The following USP32 variants were observed in gnomAD, a reference collection of about 807,000 sequenced individuals.
USP32 encodes ubiquitin specific peptidase 32, also known as ubiquitin carboxyl-terminal hydrolase 32.
In USP32, 59 loss-of-function variants were observed where a neutral mutation model predicts 204.8. The observed-to-expected ratio is 0.29, with a 90% CI of 0.23 to 0.36. The LOEUF is 0.36. Ranked by LOEUF, USP32 falls within the 10% of genes least tolerant of loss-of-function variation. The probability of loss-of-function intolerance (pLI) is 1.00; values close to 1 mark genes in which losing one functional copy is unlikely to be tolerated. For missense variants in USP32, 1,160 were observed against 1,946.4 expected, an observed-to-expected ratio of 0.60 and a Z score of 7.60; for synonymous variants, 517 against 678.4, an observed-to-expected ratio of 0.76 and a Z score of 3.70.
Position 60,258,092 on chromosome 17 carries a change from AT to A in USP32, c.991-2835del, listed in dbSNP as rs886756270. The A allele has an allele frequency of 2.5e-5, 4 of 158,200 alleles. No individual in the cohort carries two copies. The Admixed American group carries it at 2.6e-4, about 10-fold the overall frequency. The allele number at this position is 158,200 out of a possible 1,614,324, so 9.8% of individuals were successfully genotyped here. On this transcript the variant is annotated intron_variant, in intron 9 of 33. Coordinates refer to ENST00000300896, the MANE Select transcript of USP32 (RefSeq NM_032582.4). Reference sequence around the variant, plus strand: ...AGATGGAGATCAAGACAGAGCAGGTATTTGAGATGAAGGTGAGTAAGTAGTT... The same window carrying A: ...AGATGGAGATCAAGACAGAGCAGGTATTGAGATGAAGGTGAGTAAGTAGTT...
In USP32 at chr17:60,265,430, A is replaced by C; in HGVS notation, c.972T>G (p.Asn324Lys). The C allele has an allele frequency of 1.2e-6, 2 of 1,606,744 alleles. No individual in the cohort carries two copies. The highest frequency in any genetic ancestry group is 1.1e-5 in the South Asian group (1 of 90,706). Residue 324 changes from asparagine to lysine, a missense_variant, in exon 9 of 34, where the codon AAT becomes AAG. This residue lies in a region of USP32 where 536 missense variants were observed against 680.9 expected (regional missense o/e 0.79). Transcript: ENST00000300896. ...GACTCACCTTTGTGGTGTCATGTGC[A>C]TTCAGTATGCCTTCTACAATATCAG... ...DLSDIVEGIL[N>K]AHDTTKMGHL...
intron 1 of USP32, among the ~76,000 whole-genome samples, 173 bp downstream of exon 1, chr17:60,391,709 G>C (rs1361052573): frequency 6.6e-6 from 1 of 151,972 alleles, no homozygotes; most frequent in Admixed American, 6.5e-5. Flanking sequence ...ATTCCCAAAC[G>C]CTGCTTCCCA....
At chr17:60,322,319 C>T (rs2088132550) in intron 2 of USP32, among the ~76,000 whole-genome samples, 7 of 152,062 alleles carry the variant, frequency 4.6e-5, no homozygotes, top group Admixed American at 4.6e-4. Context: ...CTCCCTAAAT[C>T]ATATTTAAGT....
chr17:60,276,256 G>C (rs1160502456), intron 5 of USP32, among the ~76,000 whole-genome samples: 1 of 152,072 alleles, frequency 6.6e-6, no homozygotes, highest in East Asian at 1.9e-4. Flanking sequence ...TCATACTAAA[G>C]AATGCTGTTT....
chr17:60,293,969 C>G (rs1241208093), intron 4 of USP32, among the ~76,000 whole-genome samples: 1 of 152,194 alleles, frequency 6.6e-6, no homozygotes, highest in African/African-American at 2.4e-5. Flanking sequence ...AAATAATTCT[C>G]TCTGTTAAAG....
chr17:60,221,642 AACT>A (rs2085251548), intron 15 of USP32, among the ~76,000 whole-genome samples: 1 of 151,790 alleles, frequency 6.6e-6, no homozygotes, highest in Non-Finnish European at 1.5e-5. Context: ...AAGTAGCTGG[AACT>A]ACAGGAGTGT....
intron 1 of USP32, 150 bp downstream of exon 1, chr17:60,391,732 C>G: frequency 1.3e-6 from 1 of 783,672 alleles, no homozygotes; most frequent in Non-Finnish European, 2.0e-6. Context: ...CGACCTCTCT[C>G]CTCCACCACA....
intron 2 of USP32, among the ~76,000 whole-genome samples, chr17:60,336,703 G>A (rs1170055848): frequency 3.8e-5 from 5 of 132,416 alleles, no homozygotes; most frequent in African/African-American, 6.8e-5. Flanking sequence ...GAGACAGAGC[G>A]AGACTCCATC....
chr17:60,227,989 A>G (rs576884170), intron 12 of USP32, among the ~76,000 whole-genome samples: 1 of 152,176 alleles, frequency 6.6e-6, no homozygotes, highest in Admixed American at 6.5e-5. Context: ...TTGGACCATC[A>G]ATTTTTAAAA....
At chr17:60,197,064 C>A (rs2084539558) in intron 27 of USP32, among the ~76,000 whole-genome samples, 1 of 151,558 alleles carries the variant, frequency 6.6e-6, no homozygotes, top group Non-Finnish European at 1.5e-5. Flanking sequence ...ATCTGTAATC[C>A]CAGCTACTCA....
chr17:60,368,918 A>G (rs1260821845), intron 1 of USP32, among the ~76,000 whole-genome samples: 2 of 152,068 alleles, frequency 1.3e-5, no homozygotes, highest in East Asian at 1.9e-4. Context: ...GCAAGACAAC[A>G]TGGAGAAAAT....
At chr17:60,193,874 A>G (rs1160884465) in intron 27 of USP32, among the ~76,000 whole-genome samples, 1 of 152,168 alleles carries the variant, frequency 6.6e-6, no homozygotes, top group Non-Finnish European at 1.5e-5. Context: ...ACCATGTCCA[A>G]ATCAGGCCAG....
At chr17:60,376,200 T>C (rs1172937559) in intron 1 of USP32, among the ~76,000 whole-genome samples, 3 of 152,052 alleles carry the variant, frequency 2.0e-5, no homozygotes, top group Non-Finnish European at 2.9e-5. Context: ...TGCGAGCCAC[T>C]GAGCCCAACT....
chr17:60,275,686 C>T (rs1195595785), intron 5 of USP32, among the ~76,000 whole-genome samples: 7 of 151,940 alleles, frequency 4.6e-5, no homozygotes. Flanking sequence ...ACAAAGTTCC[C>T]TAAATTTCCA....
intron 1 of USP32, among the ~76,000 whole-genome samples, chr17:60,368,222 T>G (rs549389248): frequency 2.0e-4 from 30 of 152,310 alleles, no homozygotes; most frequent in African/African-American, 6.3e-4. Context: ...AATACAGTAT[T>G]TAGAGATACT....
chr17:60,319,255 A>T (rs749701629), intron 2 of USP32, among the ~76,000 whole-genome samples: 8 of 152,250 alleles, frequency 5.3e-5, no homozygotes, highest in Non-Finnish European at 8.8e-5. Context: ...TATGTTTTAT[A>T]TATTTTGCCA....
At chr17:60,328,192 T>G (rs1430435157) in intron 2 of USP32, among the ~76,000 whole-genome samples, 1 of 152,162 alleles carries the variant, frequency 6.6e-6, no homozygotes, top group East Asian at 1.9e-4. Flanking sequence ...GACCAATCAG[T>G]GCATACTTCC....
At chr17:60,388,642 G>A (rs574467951) in intron 1 of USP32, among the ~76,000 whole-genome samples, 21 of 152,202 alleles carry the variant, frequency 1.4e-4, no homozygotes, top group Admixed American at 5.2e-4. Context: ...ATAAACAAGA[G>A]TCAAGGCTTT....
intron 1 of USP32, among the ~76,000 whole-genome samples, chr17:60,410,491 A>T (rs1486022187): frequency 6.6e-6 from 1 of 150,482 alleles, no homozygotes; most frequent in Admixed American, 6.6e-5. Flanking sequence ...ACACGGTGAA[A>T]CCCTGTCTCT....
Sources: allele counts gnomAD v4.1 joint callset (sites outside exome capture counted in the v4.1 genomes callset), GRCh38; gene constraint gnomAD v4.1.1; regional missense constraint gnomAD v4.1.1; transcripts MANE v1.5; gene names NCBI Gene and HGNC (gene_info 2026-07-23, HGNC 2026-07-21).